RETREG1: variants seen among roughly 807,000 people sequenced by gnomAD.
The protein encoded by RETREG1 is family with sequence similarity 134 member B.
Under a neutral mutation model 54.8 loss-of-function variants are expected in RETREG1, and 44 were observed. The observed-to-expected ratio is 0.80, with a 90% confidence interval of 0.63 to 1.03. The LOEUF (loss-of-function observed/expected upper bound fraction) is 1.03, where lower values mean the gene tolerates loss of function less well. Ranked by LOEUF, RETREG1 falls within the 50% of genes least tolerant of loss-of-function variation. The probability of loss-of-function intolerance (pLI) is 0.00; values close to 1 mark genes in which losing one functional copy is unlikely to be tolerated. For missense variants in RETREG1, 554 were observed against 605.1 expected, an observed-to-expected ratio of 0.92 and a Z score of 0.89; for synonymous variants, 217 against 238.5, an observed-to-expected ratio of 0.91 and a Z score of 0.83.
chr5:16,554,793 T>C (rs1432969982), intron 3 of RETREG1, among the ~76,000 whole-genome samples: 5 of 152,230 alleles, frequency 3.3e-5, no homozygotes, highest in African/African-American at 9.6e-5. Flanking sequence ...CCAGTCACTA[T>C]GGCTACATAC....
At chr5:16,492,905 G>T (rs1053714799) in intron 3 of RETREG1, among the ~76,000 whole-genome samples, 1 of 152,190 alleles carries the variant, frequency 6.6e-6, no homozygotes, top group Non-Finnish European at 1.5e-5. Context: ...ACAAGATTAA[G>T]AAATTACATC....
At chr5:16,518,223 ATATATT>A (rs1225144154) in intron 3 of RETREG1, among the ~76,000 whole-genome samples, 1 of 147,944 alleles carries the variant, frequency 6.8e-6, no homozygotes, top group Non-Finnish European at 1.5e-5. Flanking sequence ...TATATTGACT[ATATATT>A]TATATATTAT....
chr5:16,594,212 G>T lies in RETREG1; in HGVS notation c.321-22110C>A, dbSNP rs897435630. On this transcript the variant is annotated intron_variant, in intron 1 of 8. Transcript: ENST00000306320. This position sits in a 1 kb window ranked among gnomAD's most constrained non-coding sequence, Gnocchi z 4.4. ...TCATACAGTGCATCGATGTACAAGG[G>T]TGCTGAACCTTTTGGCTGTATTCAG... Among the ~76,000 whole-genome samples the T allele has an allele frequency of 1.3e-5, 2 of 152,172 alleles. No homozygotes were observed. Among genetic ancestry groups the T allele is most frequent in the Admixed American group, 1.3e-4 (2 of 15,282 alleles).
intron 1 of RETREG1, among the ~76,000 whole-genome samples, chr5:16,601,098 G>T (rs1364734993): frequency 2.0e-5 from 3 of 152,172 alleles, no homozygotes; most frequent in African/African-American, 4.8e-5. Flanking sequence ...TGGGTGTGGT[G>T]GCTCACATCT....
In RETREG1 at chr5:16,594,243, C is replaced by T. The variant is rs1315494704; in HGVS notation, c.321-22141G>A. Among the ~76,000 whole-genome samples, 5 of 152,120 alleles carry T rather than the reference C, an allele frequency of 3.3e-5. No homozygotes were observed. The highest frequency in any genetic ancestry group is 3.8e-4 in the East Asian group (2 of 5,198). On this transcript the variant is annotated intron_variant, in intron 1 of 8. Coordinates refer to ENST00000306320, the MANE Select transcript of RETREG1 (RefSeq NM_001034850.3). This position sits in a 1 kb window ranked among gnomAD's most constrained non-coding sequence, Gnocchi z 4.4. Reference sequence around the variant, plus strand: ...AACCTTTTGGCTGTATTCAGTGATACGATTAAGAATCAAAATTTCTCCTGA... The same window carrying T: ...AACCTTTTGGCTGTATTCAGTGATATGATTAAGAATCAAAATTTCTCCTGA...
At chr5:16,581,526 A>AACACAC (rs3993834) in intron 1 of RETREG1, among the ~76,000 whole-genome samples, 183 of 143,728 alleles carry the variant, frequency 1.3e-3, no homozygotes, top group Middle Eastern at 3.5e-3. Context: ...TCAGAAACAC[A>AACACAC]ACACACACAC....
At chr5:16,541,385 T>G (rs1350853717) in intron 3 of RETREG1, among the ~76,000 whole-genome samples, 6 of 152,198 alleles carry the variant, frequency 3.9e-5, no homozygotes, top group African/African-American at 1.4e-4. Context: ...ACATTTGACT[T>G]TGCTCTTAGA....
chr5:16,568,509 G>T (rs533760474), intron 2 of RETREG1, among the ~76,000 whole-genome samples: 2 of 152,284 alleles, frequency 1.3e-5, no homozygotes, highest in South Asian at 4.1e-4. Flanking sequence ...CTGACCTCAA[G>T]TGATCCACCT....
intron 3 of RETREG1, among the ~76,000 whole-genome samples, chr5:16,563,017 T>A (rs79165318): frequency 0.042 from 6,447 of 151,828 alleles, 417 homozygotes; most frequent in African/African-American, 0.14. Context: ...AGGTGGGGAG[T>A]GTATGGAAAG....
At chr5:16,539,523 C>T (rs1175381722) in intron 3 of RETREG1, among the ~76,000 whole-genome samples, 5 of 152,146 alleles carry the variant, frequency 3.3e-5, no homozygotes, top group Admixed American at 6.5e-5. Flanking sequence ...AAAATACAGC[C>T]GCTGATCCCA....
At chr5:16,483,832 G>A (rs1342789187) in intron 3 of RETREG1, among the ~76,000 whole-genome samples, 12 of 152,010 alleles carry the variant, frequency 7.9e-5, no homozygotes. Flanking sequence ...CCCTGGAGTG[G>A]GAAGGAGCTT....
At chr5:16,596,709 A>T (rs983325037) in intron 1 of RETREG1, among the ~76,000 whole-genome samples, 5 of 152,116 alleles carry the variant, frequency 3.3e-5, no homozygotes, top group Admixed American at 2.6e-4. Flanking sequence ...AAAGCCCACA[A>T]CATCCAGCCA....
At chr5:16,607,026 C>T (rs2126369420) in intron 1 of RETREG1, among the ~76,000 whole-genome samples, 1 of 152,046 alleles carries the variant, frequency 6.6e-6, no homozygotes, top group Admixed American at 6.5e-5. Context: ...GAACACTCCC[C>T]TCCAGAGTTA....
chr5:16,557,666 G>T (rs191996967), intron 3 of RETREG1, among the ~76,000 whole-genome samples: 243 of 152,264 alleles, frequency 1.6e-3, no homozygotes, highest in African/African-American at 5.2e-3. Flanking sequence ...GGAATAAAAG[G>T]CCCATTTGGG....
Position 16,499,947 on chromosome 5 carries a change from C to T in RETREG1, c.459-16475G>A, listed in dbSNP as rs373625800. ...ACTGACACAACTAAGGGCCACAGAG[C>T]AACATCTTTTATACTCTCCATGGTA... On this transcript the variant is annotated intron_variant, in intron 3 of 8. Coordinates refer to ENST00000306320, the MANE Select transcript of RETREG1 (RefSeq NM_001034850.3). 3.0e-4 allele frequency among the ~76,000 whole-genome samples: 46 copies of T among 152,352 alleles called. No homozygotes were observed. The South Asian group carries it at 6.8e-3, about 23-fold the overall frequency.
At chr5:16,537,765 CCATGCAG>C (rs35902793) in intron 3 of RETREG1, among the ~76,000 whole-genome samples, 60,849 of 136,250 alleles carry the variant, frequency 0.45, 13,981 homozygotes, top group African/African-American at 0.69. Flanking sequence ...AGGGTCAGCA[CCATGCAG>C]CATGCAGCAT....
At chr5:16,565,935 T>G (rs1489733965) in intron 2 of RETREG1, 142 bp from the exon 3 acceptor site, 9 of 876,272 alleles carry the variant, frequency 1.0e-5, no homozygotes, top group Non-Finnish European at 1.6e-5. Context: ...TCATACAGTG[T>G]ACACTGCTGG....
At chr5:16,592,159 C>T (rs1742792780) in intron 1 of RETREG1, among the ~76,000 whole-genome samples, 1 of 152,178 alleles carries the variant, frequency 6.6e-6, no homozygotes, top group African/African-American at 2.4e-5. Context: ...TACATCAGAA[C>T]TTCAAGTCCA....
chr5:16,590,523 C>A (rs1272558206), intron 1 of RETREG1, among the ~76,000 whole-genome samples: 1 of 152,152 alleles, frequency 6.6e-6, no homozygotes, highest in African/African-American at 2.4e-5. Flanking sequence ...AATGAAATAT[C>A]TTAGAAATGA....
Sources: gnomAD v4.1 joint callset for allele counts (sites outside exome capture counted in the v4.1 genomes callset) on GRCh38, gnomAD v4.1.1 for gene constraint, Gnocchi (gnomAD v3.1) non-coding constraint, MANE v1.5 for transcripts, NCBI Gene and HGNC (gene_info 2026-07-23, HGNC 2026-07-21) for gene names.